Variants in ANKRD44 observed in about 807,000 individuals in gnomAD.
ANKRD44 encodes ankyrin repeat domain 44, also known as serine/threonine-protein phosphatase 6 regulatory ankyrin repeat subunit B.
Under a neutral mutation model 116.0 loss-of-function variants are expected in ANKRD44, and 35 were observed. The ratio of observed to expected loss-of-function variants is 0.30; its 90% CI spans 0.23 to 0.40. The LOEUF is 0.40. ANKRD44 is among the 10% of genes least tolerant of loss of function. ANKRD44 has a pLI of 1.00. For missense variants in ANKRD44, 1,014 were observed against 1,242.6 expected, an observed-to-expected ratio of 0.82 and a Z score of 2.77; for synonymous variants, 435 against 461.8, an observed-to-expected ratio of 0.94 and a Z score of 0.74.
chr2:197,033,579 C>A (rs2076748468), intron 16 of ANKRD44, among the ~76,000 whole-genome samples: 1 of 151,872 alleles, frequency 6.6e-6, no homozygotes, highest in Non-Finnish European at 1.5e-5. Flanking sequence ...GCCTTCCAAT[C>A]AACTGATAAG....
At chr2:197,019,395 C>T (rs1455026255) in intron 17 of ANKRD44, among the ~76,000 whole-genome samples, 4 of 152,236 alleles carry the variant, frequency 2.6e-5, no homozygotes, top group Admixed American at 1.3e-4. Flanking sequence ...CAATAGCTAA[C>T]TTTTATGGAG....
intron 1 of ANKRD44, among the ~76,000 whole-genome samples, chr2:197,266,327 C>G (rs962412058): frequency 2.0e-5 from 3 of 151,978 alleles, no homozygotes; most frequent in African/African-American, 4.8e-5. Context: ...TAAGAACTTT[C>G]TATAAGGATG....
intron 1 of ANKRD44, among the ~76,000 whole-genome samples, chr2:197,306,875 C>T (rs2084088935): frequency 6.6e-6 from 1 of 152,158 alleles, no homozygotes; most frequent in African/African-American, 2.4e-5. Flanking sequence ...CCAAAAAGGC[C>T]ACCTGCTGAA....
At chr2:197,050,705 G>C (rs188785839) in intron 16 of ANKRD44, among the ~76,000 whole-genome samples, 16 of 152,118 alleles carry the variant, frequency 1.1e-4, no homozygotes, top group Non-Finnish European at 1.9e-4. Flanking sequence ...TTACAGGTGT[G>C]AGCCATCACG....
chr2:196,976,672 C>G (rs181384081), intron 21 of ANKRD44, among the ~76,000 whole-genome samples: 1 of 152,008 alleles, frequency 6.6e-6, no homozygotes, highest in Non-Finnish European at 1.5e-5. Context: ...TTAAGATCAG[C>G]CTGCACAACA....
At chr2:197,085,938 G>T (rs180891658) in intron 13 of ANKRD44, among the ~76,000 whole-genome samples, 1 of 152,202 alleles carries the variant, frequency 6.6e-6, no homozygotes, top group South Asian at 2.1e-4. Context: ...GAGTCCATAA[G>T]AATAGTGTGA....
chr2:196,971,521 A>G (rs898372755), intron 21 of ANKRD44, among the ~76,000 whole-genome samples: 3 of 152,018 alleles, frequency 2.0e-5, no homozygotes, highest in Non-Finnish European at 4.4e-5. Flanking sequence ...CATGCCCCAC[A>G]TTAATTATTT....
chr2:197,094,017 C>T (rs148975460), intron 10 of ANKRD44, among the ~76,000 whole-genome samples: 1 of 152,236 alleles, frequency 6.6e-6, no homozygotes, highest in East Asian at 1.9e-4. Flanking sequence ...CATCTCCTAC[C>T]CAGTTATTTC....
At chr2:197,181,381 A>T (rs1380805413) in intron 2 of ANKRD44, among the ~76,000 whole-genome samples, 1 of 152,226 alleles carries the variant, frequency 6.6e-6, no homozygotes, top group Non-Finnish European at 1.5e-5. Flanking sequence ...ATTTGGTATG[A>T]TAATGTGTGT....
At chr2:197,259,473 C>T (rs1184829221) in intron 1 of ANKRD44, among the ~76,000 whole-genome samples, 1 of 152,176 alleles carries the variant, frequency 6.6e-6, no homozygotes, top group East Asian at 1.9e-4. Context: ...ATCTAGGTTC[C>T]TCTTGTCTAG....
At chr2:197,216,417 G>A (rs1301300719) in intron 1 of ANKRD44, among the ~76,000 whole-genome samples, 2 of 152,172 alleles carry the variant, frequency 1.3e-5, no homozygotes, top group African/African-American at 4.8e-5. Context: ...TGTCATTGCA[G>A]GGAAAATCTG....
intron 1 of ANKRD44, among the ~76,000 whole-genome samples, chr2:197,275,746 G>T (rs1221950165): frequency 1.3e-5 from 2 of 152,040 alleles, no homozygotes. Context: ...GCTGGCATAT[G>T]GGGGGTGGGA....
chr2:197,259,694 AGAGACACCATGAT>A lies in ANKRD44; in HGVS notation c.27+50871_27+50883del, dbSNP rs1218951317. Among the ~76,000 whole-genome samples, 13 of 152,340 alleles carry A rather than the reference AGAGACACCATGAT, an allele frequency of 8.5e-5. No homozygotes were observed. The East Asian group carries it at 2.1e-3, about 25-fold the overall frequency. ...CGTGCCAGGTGCTGAGCTTGGCACT[AGAGACACCATGAT>A]GAATAAGACCAGGCCCCAGCAGGAA... On this transcript the variant is annotated intron_variant, in intron 1 of 27. Coordinates refer to ENST00000282272, the MANE Select transcript of ANKRD44 (RefSeq NM_001195144.2).
In ANKRD44 at chr2:197,154,176, T is replaced by A. The variant is rs1451783627; in HGVS notation, c.112-7071A>T. On this transcript the variant is annotated intron_variant, in intron 2 of 27. Coordinates refer to ENST00000282272, the MANE Select transcript of ANKRD44 (RefSeq NM_001195144.2). ...CAATATCTGATGCTATCGGCTTTCT[T>A]TTTTTTTTTTTTTTTTTTTTTGAGA... Among the ~76,000 whole-genome samples, 211 of 114,572 alleles carry A rather than the reference T, an allele frequency of 1.8e-3. 2 individuals carry two copies. The highest frequency in any genetic ancestry group is 0.011 in the African/African-American group (203 of 18,304). The allele number at this position is 114,572 out of a possible 152,430, so 75.2% of individuals were successfully genotyped here. A position where few individuals can be genotyped will look rare whatever the true frequency, so the allele number is the denominator to read the frequency against.
At chr2:197,165,826 T>C (rs538884966) in intron 2 of ANKRD44, among the ~76,000 whole-genome samples, 2 of 152,342 alleles carry the variant, frequency 1.3e-5, no homozygotes, top group South Asian at 4.1e-4. Flanking sequence ...CTTGGACTTC[T>C]TTTAGTTCAA....
At chr2:197,216,332 T>C (rs905875106) in intron 1 of ANKRD44, among the ~76,000 whole-genome samples, 2 of 152,348 alleles carry the variant, frequency 1.3e-5, no homozygotes, top group Non-Finnish European at 1.5e-5. Flanking sequence ...TCCTCCATAA[T>C]TCATGCTATC....
chr2:197,022,789 G>A (rs192050147), intron 17 of ANKRD44, among the ~76,000 whole-genome samples: 18 of 152,172 alleles, frequency 1.2e-4, no homozygotes, highest in East Asian at 5.8e-4. Flanking sequence ...ACTTGAGCCC[G>A]GGAGTTTGAG....
rs745661110 is a variant in ANKRD44, at chr2:197,025,258, T to C, written c.1660A>G (p.Arg554Gly). Reference protein sequence around the residue: ...HRQCLELLLERTNSGFEESDS... With the variant: ...HRQCLELLLEGTNSGFEESDS... ...GATTCTTCAAATCCACTGTTTGTTCTTTCCAAAAGCTGTGGAGACAAAAAG... is the reference window on the plus strand; with the variant it reads ...GATTCTTCAAATCCACTGTTTGTTCCTTCCAAAAGCTGTGGAGACAAAAAG... The change falls in exon 17 of 28, where the codon AGA becomes GGA. Residue 554 changes from arginine (R) to glycine (G), a missense_variant. Arg to Gly is a moderately radical substitution (Grantham distance 125). Transcript: ENST00000282272. 1.6e-5 allele frequency: 25 copies of C among 1,610,470 alleles called. No individual in the cohort carries two copies. In the East Asian group the frequency reaches 5.1e-4, roughly 33 times the overall value.
chr2:197,272,918 CTAACTT>C (rs985000681), intron 1 of ANKRD44, among the ~76,000 whole-genome samples: 10 of 152,182 alleles, frequency 6.6e-5, no homozygotes, highest in Non-Finnish European at 1.0e-4. Context: ...AAAAAATAAA[CTAACTT>C]TAATTTGGGT....
Sources: gnomAD v4.1 joint callset for allele counts (sites outside exome capture counted in the v4.1 genomes callset) on GRCh38, gnomAD v4.1.1 for gene constraint, MANE v1.5 for transcripts, NCBI Gene and HGNC (gene_info 2026-07-23, HGNC 2026-07-21) for gene names.